Variants in LMAN1 observed in about 807,000 individuals in gnomAD.
LMAN1 encodes the protein lectin, mannose binding 1, also known as protein ERGIC-53.
LMAN1 carries 32 observed loss-of-function variants against 67.8 expected under a neutral mutation model. That is an observed-to-expected ratio of 0.47 (90% CI 0.36 to 0.63). The LOEUF is 0.63. Among genes scored for constraint, LMAN1 ranks in the 30% least tolerant of loss-of-function variants. The pLI is 0.00. For synonymous variants in LMAN1, 235 were observed against 219.3 expected, an observed-to-expected ratio of 1.07 and a Z score of -0.63; for missense variants, 632 against 628.2, an observed-to-expected ratio of 1.01 and a Z score of -0.06.
At chr18:59,355,477 T>C in intron 2 of LMAN1, 27 bp downstream of exon 2, 7 of 1,614,112 alleles carry the variant, frequency 4.3e-6, no homozygotes, top group Non-Finnish European at 5.1e-6. Flanking sequence ...TTTATGCACA[T>C]TTTCTAAGTT....
chr18:59,348,586 T>C (rs535701268), intron 6 of LMAN1, among the ~76,000 whole-genome samples: 2 of 152,368 alleles, frequency 1.3e-5, no homozygotes, highest in Non-Finnish European at 2.9e-5. Context: ...TAAAATGGCA[T>C]TGACGTTGAA....
intron 10 of LMAN1, chr18:59,333,480 A>C (rs1908074293): frequency 2.1e-6 from 1 of 468,474 alleles, no homozygotes; most frequent in African/African-American, 2.0e-5. Context: ...AGAAAATACT[A>C]CTAGGTAATC....
intron 8 of LMAN1, among the ~76,000 whole-genome samples, chr18:59,341,167 C>T (rs1420255488): frequency 1.3e-5 from 2 of 151,898 alleles, no homozygotes; most frequent in African/African-American, 4.8e-5. Context: ...TATAACAATC[C>T]TAATTTATAT....
intron 5 of LMAN1, chr18:59,352,963 T>C (rs982191973): frequency 2.3e-6 from 1 of 444,376 alleles, no homozygotes; most frequent in Non-Finnish European, 4.2e-6. Context: ...ATCTCTCACA[T>C]GTGCTATACA....
At chr18:59,338,995 A>G in intron 8 of LMAN1, 42 bp from the exon 9 acceptor site, 3 of 1,561,692 alleles carry the variant, frequency 1.9e-6, no homozygotes, top group Non-Finnish European at 2.6e-6. Flanking sequence ...TCACCTACAC[A>G]TATGTAGTTT....
At chr18:59,337,259 T>C (rs1183810821) in intron 10 of LMAN1, among the ~76,000 whole-genome samples, 1 of 151,532 alleles carries the variant, frequency 6.6e-6, no homozygotes, top group Non-Finnish European at 1.5e-5. Flanking sequence ...TCAAAAGGTA[T>C]TAACTGATTA....
rs545449916 is a variant in LMAN1 at position 59,332,445 on chromosome 18, C to T, written c.1374+646G>A. The stretch of plus-strand genomic sequence containing the variant: ...AGAAGCTGAAGACCTAAGTTTTCTC[C>T]CTTTCCTACTTACTAGCTACTGACC... On this transcript the variant is annotated intron_variant, in intron 11 of 12. Coordinates refer to ENST00000251047, the MANE Select transcript of LMAN1 (RefSeq NM_005570.4). 9.2e-5 allele frequency among the ~76,000 whole-genome samples: 14 copies of T among 152,162 alleles called. No homozygotes were observed. In the East Asian group the frequency reaches 2.7e-3, roughly 29 times the overall value.
Position 59,338,776 on chromosome 18 carries a change from G to A in LMAN1, c.1133C>T (p.Pro378Leu). 1 of 1,614,110 alleles carries A rather than the reference G, an allele frequency of 6.2e-7. No individual in the cohort carries two copies. The highest frequency in any genetic ancestry group is 8.5e-7 in the Non-Finnish European group (1 of 1,180,008). The part of the protein sequence containing the change: ...EEISKRGAGM[P>L]GQHGQITQQE... Reference sequence around the variant, plus strand: ...CAAGCCCACCTGCCCATGCTGCCCAGGCATTCCTGCTCCTCTTTTAGAGAT... The same window carrying A: ...CAAGCCCACCTGCCCATGCTGCCCAAGCATTCCTGCTCCTCTTTTAGAGAT... Residue 378 changes from proline (P) to leucine (L), a missense_variant, in exon 9 of 13, where the codon CCT (proline) becomes CTT (leucine). Coordinates refer to ENST00000251047, the MANE Select transcript of LMAN1 (RefSeq NM_005570.4).
chr18:59,331,797 A>T (rs2070749235), intron 11 of LMAN1, among the ~76,000 whole-genome samples: 1 of 152,086 alleles, frequency 6.6e-6, no homozygotes, highest in Non-Finnish European at 1.5e-5. Flanking sequence ...ACAGTATATG[A>T]TGATGTTGCT....
intron 10 of LMAN1, among the ~76,000 whole-genome samples, chr18:59,336,096 T>C (rs1380081384): frequency 6.6e-6 from 1 of 151,806 alleles, no homozygotes; most frequent in African/African-American, 2.4e-5. Flanking sequence ...AACACAAGAG[T>C]AGGTTGACAG....
At chr18:59,339,747 A>G (rs1057170834) in intron 8 of LMAN1, among the ~76,000 whole-genome samples, 1 of 152,132 alleles carries the variant, frequency 6.6e-6, no homozygotes, top group Non-Finnish European at 1.5e-5. Flanking sequence ...ACCCCTAGGA[A>G]GGTCCCTCCT....
At chr18:59,354,636 T>A in intron 3 of LMAN1, 56 bp from the exon 4 acceptor site, 1 of 886,230 alleles carries the variant, frequency 1.1e-6, no homozygotes, top group Non-Finnish European at 1.9e-6. Context: ...TTCTACATCA[T>A]TCTTGATGTA....
chr18:59,341,782 A>C (rs1045482987), intron 8 of LMAN1, among the ~76,000 whole-genome samples: 1 of 152,140 alleles, frequency 6.6e-6, no homozygotes, highest in Non-Finnish European at 1.5e-5. Context: ...AACTAGAAAA[A>C]CAAGAACAAA....
chr18:59,355,720 T>G, intron 1 of LMAN1, 62 bp from the exon 2 acceptor site: 1 of 1,535,062 alleles, frequency 6.5e-7, no homozygotes, highest in Non-Finnish European at 8.9e-7. Context: ...CAATGATCAT[T>G]TCCAAACTGC....
At chr18:59,357,505 T>TAGAAACAAAAA (rs1908686537) in intron 1 of LMAN1, among the ~76,000 whole-genome samples, 1 of 150,668 alleles carries the variant, frequency 6.6e-6, no homozygotes, top group African/African-American at 2.5e-5. Context: ...TTGTGTTTGA[T>TAGAAACAAAAA]ATCATTTGCA....
chr18:59,334,930 T>C (rs1005919648), intron 10 of LMAN1, among the ~76,000 whole-genome samples: 1 of 152,166 alleles, frequency 6.6e-6, no homozygotes, highest in African/African-American at 2.4e-5. Context: ...ACTTACTGTA[T>C]GCATGACATT....
intron 4 of LMAN1, among the ~76,000 whole-genome samples, chr18:59,354,022 G>A (rs1031585855): frequency 2.0e-5 from 3 of 152,062 alleles, no homozygotes; most frequent in African/African-American, 7.2e-5. Flanking sequence ...ATCTGCAGTT[G>A]GTTGAATCCA....
intron 8 of LMAN1, among the ~76,000 whole-genome samples, chr18:59,340,497 G>GA (rs879865993): frequency 2.3e-3 from 329 of 142,406 alleles, no homozygotes; most frequent in Middle Eastern, 7.2e-3. Context: ...GCTAATAAAA[G>GA]AAAAAAAAAA....
chr18:59,335,075 A>G (rs762859500), intron 10 of LMAN1, among the ~76,000 whole-genome samples: 7 of 152,222 alleles, frequency 4.6e-5, no homozygotes, highest in Non-Finnish European at 1.0e-4. Context: ...ACTGTTAAGT[A>G]AAACATGCAA....
Sources: gnomAD v4.1 joint callset for allele counts (sites outside exome capture counted in the v4.1 genomes callset) on GRCh38, gnomAD v4.1.1 for gene constraint, MANE v1.5 for transcripts, NCBI Gene and HGNC (gene_info 2026-07-23, HGNC 2026-07-21) for gene names.